NFIB: variants seen among roughly 807,000 people sequenced by gnomAD.
NFIB encodes the protein nuclear factor 1 B-type.
A neutral mutation model predicts 61.5 loss-of-function variants in NFIB; 11 were observed. The ratio of observed to expected loss-of-function variants is 0.18; its 90% CI spans 0.11 to 0.30. The LOEUF (loss-of-function observed/expected upper bound fraction) is 0.30. Ranked by LOEUF, NFIB falls within the 10% of genes least tolerant of loss-of-function variation. NFIB has a pLI of 1.00. For missense variants in NFIB, 471 were observed against 608.9 expected (o/e 0.77, Z 2.38); for synonymous variants, 260 against 216.5 (o/e 1.20, Z -1.76).
chr9:14,517,143 G>C, the NFIB span, among the ~76,000 whole-genome samples: 1 of 152,186 alleles, frequency 6.6e-6, no homozygotes, highest in Non-Finnish European at 1.5e-5. Flanking sequence ...CAGGAGGAAA[G>C]CATCTAAAAT....
chr9:14,485,471 C>A, the NFIB span, among the ~76,000 whole-genome samples: 1 of 152,138 alleles, frequency 6.6e-6, no homozygotes, highest in African/African-American at 2.4e-5. Context: ...TACAATACAC[C>A]ACAAAGAATG....
chr9:14,231,482 CA>C, intron 2 of NFIB, among the ~76,000 whole-genome samples: 1 of 152,172 alleles, frequency 6.6e-6, no homozygotes, highest in East Asian at 1.9e-4. Context: ...CACATTTATG[CA>C]ATCCCGGGTA....
chr9:14,380,956 C>T (rs1200858960), intron 1 of NFIB, among the ~76,000 whole-genome samples: 1 of 150,992 alleles, frequency 6.6e-6, no homozygotes, highest in Non-Finnish European at 1.5e-5. Flanking sequence ...TGTTCCCTAA[C>T]CTTAAATTTT....
intron 6 of NFIB, among the ~76,000 whole-genome samples, chr9:14,132,861 G>A (rs373874934): frequency 3.3e-5 from 5 of 152,028 alleles, no homozygotes; most frequent in African/African-American, 9.7e-5. Flanking sequence ...CATTGCATAC[G>A]GTCTTCTTTT....
intron 2 of NFIB, among the ~76,000 whole-genome samples, chr9:14,228,174 T>A (rs1041692614): frequency 6.6e-6 from 1 of 150,888 alleles, no homozygotes; most frequent in South Asian, 2.1e-4. Context: ...TATTAGATTA[T>A]TGAAATAATA....
the NFIB span, among the ~76,000 whole-genome samples, chr9:14,449,374 T>C: frequency 1.3e-5 from 2 of 152,166 alleles, no homozygotes; most frequent in Admixed American, 6.5e-5. Flanking sequence ...TTAATTGGCC[T>C]AAGATGGAAC....
chr9:14,345,277 T>A (rs1222716360), intron 1 of NFIB, among the ~76,000 whole-genome samples: 1 of 152,214 alleles, frequency 6.6e-6, no homozygotes, highest in African/African-American at 2.4e-5. Flanking sequence ...ATAATTTAAA[T>A]AGGTTCTAGT....
chr9:14,347,895 G>C (rs543391024), intron 1 of NFIB, among the ~76,000 whole-genome samples: 104 of 152,264 alleles, frequency 6.8e-4, no homozygotes, highest in African/African-American at 2.5e-3. Context: ...GAGCGCGCGC[G>C]CGCGCCAGGG....
chr9:14,527,632 G>C, the NFIB span, among the ~76,000 whole-genome samples: 5 of 152,146 alleles, frequency 3.3e-5, no homozygotes, highest in African/African-American at 1.2e-4. Flanking sequence ...CTGCACCTTA[G>C]AAAGAGCCTG....
chr9:14,272,533 T>G (rs757210923), intron 2 of NFIB, among the ~76,000 whole-genome samples: 15 of 152,064 alleles, frequency 9.9e-5, no homozygotes, highest in Non-Finnish European at 1.9e-4. Flanking sequence ...TTAAAAGAAC[T>G]TTTTAAATTC....
chr9:14,527,252 T>C, the NFIB span, among the ~76,000 whole-genome samples: 2 of 152,222 alleles, frequency 1.3e-5, no homozygotes, highest in Non-Finnish European at 2.9e-5. Context: ...CGAATTACTA[T>C]TATTTACAGA....
intron 1 of NFIB, among the ~76,000 whole-genome samples, chr9:14,366,284 C>G (rs757898210): frequency 6.6e-6 from 1 of 152,130 alleles, no homozygotes; most frequent in Non-Finnish European, 1.5e-5. Flanking sequence ...TTTAACCTCG[C>G]GTCTGTGAAA....
At chr9:14,093,096 T>C (rs541863811) in intron 10 of NFIB, among the ~76,000 whole-genome samples, 1 of 152,164 alleles carries the variant, frequency 6.6e-6, no homozygotes, top group African/African-American at 2.4e-5. Context: ...ATTAAACATG[T>C]ATGAAGCCAT....
At chr9:14,274,076 T>C (rs766249800) in intron 2 of NFIB, among the ~76,000 whole-genome samples, 5 of 152,152 alleles carry the variant, frequency 3.3e-5, no homozygotes, top group Non-Finnish European at 7.3e-5. Flanking sequence ...GAAGTGTAAA[T>C]GGTGAATGCT....
At chr9:14,458,324 T>C in the NFIB span, among the ~76,000 whole-genome samples, 2 of 152,188 alleles carry the variant, frequency 1.3e-5, no homozygotes, top group African/African-American at 4.8e-5. Context: ...CTGCCCTTCA[T>C]GCTAAAAACT....
intron 1 of NFIB, among the ~76,000 whole-genome samples, chr9:14,370,217 C>G (rs1383397130): frequency 6.6e-6 from 1 of 152,176 alleles, no homozygotes; most frequent in Non-Finnish European, 1.5e-5. Flanking sequence ...ACTCTTACCC[C>G]CATCGGACTC....
the NFIB span, among the ~76,000 whole-genome samples, chr9:14,487,392 CTT>C: frequency 4.6e-5 from 7 of 152,208 alleles, no homozygotes; most frequent in African/African-American, 1.7e-4. Context: ...GAGAGAAACA[CTT>C]TTCAGATCTC....
chr9:14,319,763 C>A (rs191264834), intron 1 of NFIB, among the ~76,000 whole-genome samples: 30 of 152,342 alleles, frequency 2.0e-4, no homozygotes, highest in Middle Eastern at 3.4e-3. Context: ...AAACTTTCTG[C>A]ACCCCTTTCT....
At chr9:14,270,665 C>G (rs2057536537) in intron 2 of NFIB, among the ~76,000 whole-genome samples, 1 of 142,236 alleles carries the variant, frequency 7.0e-6, no homozygotes, top group Non-Finnish European at 1.5e-5. Context: ...TTACCTCCTA[C>G]AAATCTGACA....
Sources: allele counts gnomAD v4.1 joint callset (sites outside exome capture counted in the v4.1 genomes callset), GRCh38; gene constraint gnomAD v4.1.1; transcripts MANE v1.5; gene names NCBI Gene and HGNC (gene_info 2026-07-23, HGNC 2026-07-21).